PCDHGB1: variants seen among roughly 807,000 people sequenced by gnomAD.
PCDHGB1 encodes protocadherin gamma subfamily B, 1.
PCDHGB1 carries 34 observed loss-of-function variants against 56.6 expected under a neutral mutation model. The observed-to-expected ratio is 0.60, with a 90% CI of 0.46 to 0.80. PCDHGB1 has a LOEUF of 0.80. PCDHGB1 is among the 30% of genes least tolerant of loss of function. The pLI, the probability that PCDHGB1 is intolerant of heterozygous loss-of-function variation, is 0.00. For synonymous variants in PCDHGB1, 561 were observed against 505.9 expected (o/e 1.11, Z -1.46); for missense variants, 1,278 against 1,204.6 (o/e 1.06, Z -0.90).
rs1375469711 is a variant in PCDHGB1 at position 141,512,102 on chromosome 5, C to G, written c.*929C>G. On this transcript the variant is annotated 3_prime_UTR_variant, in exon 4 of 4. Coordinates refer to ENST00000523390, the MANE Select transcript of PCDHGB1 (RefSeq NM_018922.3). Reference sequence around the variant, plus strand: ...GCCATAAACCAATAACTAGGCTGGACCCTTCCCACTACATAATAGGGCTCA... The same window carrying G: ...GCCATAAACCAATAACTAGGCTGGAGCCTTCCCACTACATAATAGGGCTCA... The G allele has an allele frequency of 6.5e-6, 1 of 152,806 alleles. No individual in the cohort carries two copies. The highest frequency in any genetic ancestry group is 1.9e-4 in the East Asian group (1 of 5,182). The allele number at this position is 152,806 out of a possible 1,614,324, so 9.5% of individuals were successfully genotyped here. A position where few individuals can be genotyped will look rare whatever the true frequency, so the allele number is the denominator to read the frequency against.
At chr5:141,435,614 C>T (rs1274100711) in intron 1 of PCDHGB1, among the ~76,000 whole-genome samples, 1 of 152,056 alleles carries the variant, frequency 6.6e-6, no homozygotes, top group Non-Finnish European at 1.5e-5. Context: ...ACATTAAATT[C>T]CCCATAACTT....
At position 141,477,748 on chromosome 5, in the gene PCDHGB1, C is replaced by T; in HGVS notation, c.2410-17059C>T. ...CAGCTCATATCAGCGATGGGGGCAC[C>T]CCGGTCCTAGCCACCAACATCAGCG... On this transcript the variant is annotated intron_variant, in intron 1 of 3. Transcript: ENST00000523390. The surrounding 1 kb of genome is among the most constrained non-coding windows in gnomAD (Gnocchi z 4.9). 6.2e-7 allele frequency: 1 copy of T among 1,613,872 alleles called. No homozygotes were observed. The highest frequency in any genetic ancestry group is 1.1e-5 in the South Asian group (1 of 91,080).
chr5:141,508,740 C>G (rs2099871405), intron 3 of PCDHGB1, among the ~76,000 whole-genome samples: 1 of 152,006 alleles, frequency 6.6e-6, no homozygotes. Flanking sequence ...CACCCCCCAC[C>G]CCGCTCTTTC....
chr5:141,366,579 T>C (rs1764662445), intron 1 of PCDHGB1: 1 of 1,614,256 alleles, frequency 6.2e-7, no homozygotes, highest in South Asian at 1.1e-5. Flanking sequence ...CGGGCTTTCC[T>C]GCAGACCTAT....
intron 1 of PCDHGB1, among the ~76,000 whole-genome samples, chr5:141,443,016 G>T (rs1325670377): frequency 6.6e-6 from 1 of 152,204 alleles, no homozygotes; most frequent in East Asian, 1.9e-4. Context: ...TATGACTAAT[G>T]GAAGTTGCCA....
intron 1 of PCDHGB1, among the ~76,000 whole-genome samples, chr5:141,488,544 C>G (rs1225754325): frequency 6.6e-6 from 1 of 152,166 alleles, no homozygotes; most frequent in African/African-American, 2.4e-5. Flanking sequence ...AGTCCCATGT[C>G]AGCTGACATT....
intron 1 of PCDHGB1, among the ~76,000 whole-genome samples, chr5:141,494,199 G>A (rs1033914239): frequency 1.3e-5 from 2 of 152,160 alleles, no homozygotes; most frequent in South Asian, 2.1e-4. Context: ...TGGATGCCCC[G>A]CAAAGGCCCA....
At position 141,362,048 on chromosome 5, in the gene PCDHGB1, C is replaced by T. The variant is rs764745412; in HGVS notation, c.2409+9379C>T. 7 of 1,610,984 alleles carry T rather than the reference C, an allele frequency of 4.3e-6. No individual in the cohort carries two copies. The African/African-American group carries it at 9.4e-5, about 22-fold the overall frequency. ...CGTGCCTTGGGCGACAGGGACGCGG[C>T]CCGCCAGCGCCTGCTGGTCGCTGTG... On this transcript the variant is annotated intron_variant, in intron 1 of 3. Transcript: ENST00000523390.
In PCDHGB1 at chr5:141,491,801, G is replaced by C; in HGVS notation, c.2410-3006G>C. 1 of 1,500,844 alleles carries C rather than the reference G, an allele frequency of 6.7e-7. No individual in the cohort carries two copies. Among genetic ancestry groups the C allele is most frequent in the Non-Finnish European group, 8.9e-7 (1 of 1,125,292 alleles). The allele number at this position is 1,500,844 out of a possible 1,614,324, so 93.0% of individuals were successfully genotyped here. The stretch of plus-strand genomic sequence containing the variant: ...AACTTGCATCCACTCCTCTCCGGCC[G>C]GCTTGGTCGCTGGCTGCGCTCCACC... On this transcript the variant is annotated intron_variant, in intron 1 of 3. Coordinates refer to ENST00000523390, the MANE Select transcript of PCDHGB1 (RefSeq NM_018922.3). The surrounding 1 kb of genome is among the most constrained non-coding windows in gnomAD (Gnocchi z 6.9).
At chr5:141,400,776 G>GT (rs1167512157) in intron 1 of PCDHGB1, 4 of 557,602 alleles carry the variant, frequency 7.2e-6, no homozygotes, top group Non-Finnish European at 1.3e-5. Flanking sequence ...CATTTGGTGC[G>GT]TTTTTTTGTC....
Position 141,351,665 on chromosome 5 carries a change from C to T in PCDHGB1, c.1405C>T (p.Gln469Ter). 2 of 1,614,054 alleles carry T rather than the reference C, an allele frequency of 1.2e-6. No homozygotes were observed. The highest frequency in any genetic ancestry group is 8.5e-7 in the Non-Finnish European group (1 of 1,179,912). Residue 469 changes from glutamine to a stop codon, truncating the protein, a stop_gained, in exon 1 of 4, where the codon CAA becomes TAA. Transcript: ENST00000523390. LOFTEE classifies it high-confidence loss of function. ...ENNPPGASIA[Q>*]VSASDPDLGP... ...CAACCCACCTGGCGCCTCCATTGCA[C>T]AAGTAAGCGCCTCCGACCCGGATTT...
chr5:141,361,454 T>A (rs780424534), intron 1 of PCDHGB1: 2 of 1,614,026 alleles, frequency 1.2e-6, no homozygotes, highest in Non-Finnish European at 1.7e-6. Flanking sequence ...ATTGTCACCC[T>A]GCACATCTCC....
chr5:141,460,553 C>A (rs2098991893), intron 1 of PCDHGB1, among the ~76,000 whole-genome samples: 1 of 152,032 alleles, frequency 6.6e-6, no homozygotes. Context: ...AATCAAAAAT[C>A]ATTTGGCCAT....
At chr5:141,382,912 C>A (rs771685139) in intron 1 of PCDHGB1, 1 of 1,552,238 alleles carries the variant, frequency 6.4e-7, no homozygotes. Flanking sequence ...GGCGGCTCAG[C>A]CGAGGGGCGG....
intron 1 of PCDHGB1, among the ~76,000 whole-genome samples, chr5:141,492,586 G>C (rs1451055991): frequency 6.6e-6 from 1 of 152,220 alleles, no homozygotes; most frequent in Admixed American, 6.5e-5. Context: ...GGGGCCAGGA[G>C]CGCTGGAGCG....
chr5:141,488,428 C>A (rs1234461104), intron 1 of PCDHGB1, among the ~76,000 whole-genome samples: 1 of 152,186 alleles, frequency 6.6e-6, no homozygotes, highest in Non-Finnish European at 1.5e-5. Context: ...CATGCTTGGC[C>A]TCTGACCACC....
intron 2 of PCDHGB1, among the ~76,000 whole-genome samples, chr5:141,502,472 A>G (rs1450967250): frequency 1.3e-5 from 2 of 150,886 alleles, no homozygotes; most frequent in Non-Finnish European, 2.9e-5. Flanking sequence ...TACTTCCCGC[A>G]GCATCACACT....
chr5:141,356,868 C>T (rs756682784), intron 1 of PCDHGB1: 12 of 1,614,088 alleles, frequency 7.4e-6, no homozygotes, highest in South Asian at 2.2e-5. Flanking sequence ...TGGACCAGAA[C>T]GACAATGTCC....
intron 1 of PCDHGB1, chr5:141,415,814 T>G: frequency 7.5e-7 from 1 of 1,330,430 alleles, no homozygotes; most frequent in South Asian, 1.8e-5. Flanking sequence ...AAGGCCTATA[T>G]ATCATAAGGC....
Sources: allele counts gnomAD v4.1 joint callset (sites outside exome capture counted in the v4.1 genomes callset), GRCh38; gene constraint gnomAD v4.1.1; non-coding constraint Gnocchi (gnomAD v3.1); transcripts MANE v1.5; gene names NCBI Gene and HGNC (gene_info 2026-07-23, HGNC 2026-07-21).